TSHZ3: variants seen among roughly 807,000 people sequenced by gnomAD.
TSHZ3 encodes teashirt homolog 3.
A neutral mutation model predicts 64.5 loss-of-function variants in TSHZ3; 10 were observed. That is an observed-to-expected ratio of 0.16 (90% CI 0.10 to 0.26). The LOEUF (loss-of-function observed/expected upper bound fraction) is 0.26. Among genes scored for constraint, TSHZ3 ranks in the 10% least tolerant of loss-of-function variants. The probability of loss-of-function intolerance (pLI) is 1.00; values close to 1 mark genes in which losing one functional copy is unlikely to be tolerated. For synonymous variants in TSHZ3, 608 were observed against 593.1 expected (o/e 1.03, Z -0.36); for missense variants, 1,242 against 1,421.7 (o/e 0.87, Z 2.03).
intron 4 of TSHZ3, among the ~76,000 whole-genome samples, chr19:31,214,744 T>G (rs1398310832): frequency 6.6e-6 from 1 of 151,386 alleles, no homozygotes; most frequent in African/African-American, 2.4e-5. Context: ...CCGTCTCTAC[T>G]AAAAATACAA....
Position 31,277,654 on chromosome 19 carries a change from C to T in TSHZ3, c.2139G>A (p.Pro713=), listed in dbSNP as rs143383836. 5.5e-4 allele frequency: 839 copies of T among 1,535,968 alleles called. No individual in the cohort carries two copies. Among genetic ancestry groups the T allele is most frequent in the Non-Finnish European group, 6.9e-4 (789 of 1,142,520 alleles). ...AAGGGTTAACAAAAGGCTGTTCAGG[C>T]GGGTGGTCGGTGATGATGGCCGTGC... ...SGSTAIITDH[P]PEQPFVNPLS... is the part of the protein sequence containing the mutation. Residue 713 remains proline (P), a synonymous_variant, in exon 2 of 2, where the codon CCG becomes CCA. Transcript: ENST00000240587. This position sits in a 1 kb window ranked among gnomAD's most constrained non-coding sequence, Gnocchi z 4.5.
At chr19:31,243,259 A>G (rs1378759272) in intron 1 of TSHZ3, among the ~76,000 whole-genome samples, 1 of 152,184 alleles carries the variant, frequency 6.6e-6, no homozygotes, top group Admixed American at 6.5e-5. Context: ...CACTGCACTT[A>G]GAAGAACTAC....
At chr19:31,242,074 T>C (rs994218893) in intron 3 of TSHZ3, among the ~76,000 whole-genome samples, 1 of 152,206 alleles carries the variant, frequency 6.6e-6, no homozygotes, top group Non-Finnish European at 1.5e-5. Context: ...TAGGCATATT[T>C]TTGAAATGCA....
chr19:31,347,092 G>A (rs1344910162), intron 1 of TSHZ3, among the ~76,000 whole-genome samples: 1 of 151,616 alleles, frequency 6.6e-6, no homozygotes, highest in Non-Finnish European at 1.5e-5. Context: ...CATTTTGATA[G>A]AGCAAAACCA....
In TSHZ3 at chr19:31,276,598, C is replaced by T. The variant is rs140401914; in HGVS notation, c.3195G>A (p.Gly1065=). 2.9e-4 allele frequency: 464 copies of T among 1,595,826 alleles called. No individual in the cohort carries two copies. The highest frequency in any genetic ancestry group is 3.8e-4 in the Non-Finnish European group (440 of 1,167,748). Residue 1065 remains glycine (G), a synonymous_variant, in exon 2 of 2, where the codon GGG becomes GGA. Coordinates refer to ENST00000240587, the MANE Select transcript of TSHZ3 (RefSeq NM_020856.4). ...ACAGAAGGTGGTCTTCCGGAGATTT[C>T]CCGTGTGTTTTGCTAAGGTGAAGTT... The part of the protein sequence containing the change: ...AVKLHLSKTH[G]KSPEDHLLYV...
chr19:31,225,190 T>A (rs1975443851), intron 4 of TSHZ3, among the ~76,000 whole-genome samples: 1 of 152,182 alleles, frequency 6.6e-6, no homozygotes, highest in African/African-American at 2.4e-5. Context: ...CAGGTGCCCA[T>A]AGAGCATGAT....
At chr19:31,258,561 C>A (rs1037470437) in intron 1 of TSHZ3, among the ~76,000 whole-genome samples, 5 of 152,180 alleles carry the variant, frequency 3.3e-5, no homozygotes, top group Non-Finnish European at 7.3e-5. Flanking sequence ...TTATTTGCTT[C>A]TTGGATTATG....
intron 5 of TSHZ3, among the ~76,000 whole-genome samples, chr19:31,182,440 G>A (rs1302055425): frequency 6.6e-6 from 1 of 152,074 alleles, no homozygotes; most frequent in African/African-American, 2.4e-5. Context: ...CCACAGTTTT[G>A]GAAATGTGCA....
chr19:31,251,352 G>A (rs1975839205), intron 1 of TSHZ3, among the ~76,000 whole-genome samples: 1 of 152,178 alleles, frequency 6.6e-6, no homozygotes, highest in Non-Finnish European at 1.5e-5. Context: ...AGAGGATACT[G>A]GTTTCCCTGC....
At chr19:31,199,263 G>A (rs1975036641) in intron 5 of TSHZ3, among the ~76,000 whole-genome samples, 1 of 151,720 alleles carries the variant, frequency 6.6e-6, no homozygotes, top group African/African-American at 2.4e-5. Context: ...AATTAGCTGG[G>A]CATCGTGGCG....
chr19:31,226,196 C>A (rs1180809670), intron 4 of TSHZ3, among the ~76,000 whole-genome samples: 1 of 151,988 alleles, frequency 6.6e-6, no homozygotes, highest in East Asian at 1.9e-4. Context: ...AATCTTCAAC[C>A]CACTCTTTCG....
At chr19:31,229,744 G>A (rs1477887231) in intron 3 of TSHZ3, among the ~76,000 whole-genome samples, 1 of 152,138 alleles carries the variant, frequency 6.6e-6, no homozygotes, top group Non-Finnish European at 1.5e-5. Flanking sequence ...TCTCTGAAAT[G>A]TCAATGTGGA....
chr19:31,298,331 C>T (rs1321657119), intron 1 of TSHZ3, among the ~76,000 whole-genome samples: 1 of 152,134 alleles, frequency 6.6e-6, no homozygotes, highest in African/African-American at 2.4e-5. Flanking sequence ...AAGGGGGTCC[C>T]AGCCCTCCCC....
chr19:31,151,073 A>C (rs1419943889), exon 7 of TSHZ3, among the ~76,000 whole-genome samples: 1 of 152,222 alleles, frequency 6.6e-6, no homozygotes, highest in Non-Finnish European at 1.5e-5. Flanking sequence ...TATCCAGTGC[A>C]CATACATTTC....
At chr19:31,155,304 G>A (rs569929613) in intron 6 of TSHZ3, among the ~76,000 whole-genome samples, 79 of 152,260 alleles carry the variant, frequency 5.2e-4, no homozygotes, top group African/African-American at 1.7e-3. Flanking sequence ...AACCCCTTCC[G>A]ACAGGGAGCA....
chr19:31,314,230 T>C (rs1275933009), intron 1 of TSHZ3, among the ~76,000 whole-genome samples: 6 of 152,208 alleles, frequency 3.9e-5, no homozygotes, highest in Non-Finnish European at 5.9e-5. Context: ...GCACGAGAGA[T>C]GCTGAGGCCA....
At chr19:31,346,210 C>T (rs370656227) in intron 1 of TSHZ3, among the ~76,000 whole-genome samples, 1 of 152,182 alleles carries the variant, frequency 6.6e-6, no homozygotes, top group Non-Finnish European at 1.5e-5. Flanking sequence ...CACGTCTGCT[C>T]GCCCTACCCA....
chr19:31,295,713 C>G (rs1486371693), intron 1 of TSHZ3, among the ~76,000 whole-genome samples: 1 of 151,944 alleles, frequency 6.6e-6, no homozygotes, highest in Non-Finnish European at 1.5e-5. Flanking sequence ...GGGGAAAATT[C>G]CACCTACACT....
At chr19:31,325,334 T>C (rs928561805) in intron 1 of TSHZ3, among the ~76,000 whole-genome samples, 14 of 152,198 alleles carry the variant, frequency 9.2e-5, no homozygotes, top group African/African-American at 2.9e-4. Flanking sequence ...TGCAGATGAA[T>C]TTAAAAGGCT....
Sources: allele counts gnomAD v4.1 joint callset (sites outside exome capture counted in the v4.1 genomes callset), GRCh38; gene constraint gnomAD v4.1.1; non-coding constraint Gnocchi (gnomAD v3.1); transcripts MANE v1.5; gene names NCBI Gene and HGNC (gene_info 2026-07-23, HGNC 2026-07-21).